AMPH: variants seen among roughly 807,000 people sequenced by gnomAD.
The protein encoded by AMPH is amphiphysin.
AMPH carries 49 observed loss-of-function variants against 99.1 expected under a neutral mutation model. That is an observed-to-expected ratio of 0.49 (90% confidence interval 0.39 to 0.63). The LOEUF (loss-of-function observed/expected upper bound fraction) is 0.63. Ranked by LOEUF, AMPH falls within the 20% of genes least tolerant of loss-of-function variation. The pLI, the probability that AMPH is intolerant of heterozygous loss-of-function variation, is 0.00. For missense variants in AMPH, 759 were observed against 863.4 expected (o/e 0.88, Z 1.52); for synonymous variants, 314 against 317.3 (o/e 0.99, Z 0.11).
chr7:38,439,604 A>G (rs932693714), intron 11 of AMPH, among the ~76,000 whole-genome samples: 1 of 152,220 alleles, frequency 6.6e-6, no homozygotes, highest in African/African-American at 2.4e-5. Context: ...CATCACAATT[A>G]GAGTACACAT....
rs1160114820 is a variant in AMPH, at chr7:38,509,545, A to C, written c.151-5841T>G. On this transcript the variant is annotated intron_variant, in intron 2 of 20. Coordinates refer to ENST00000356264, the MANE Select transcript of AMPH (RefSeq NM_001635.4). ...TCGGATCTTCTGGAAAAGCTAACCC[A>C]TAGTGTGTTAAACCGCCATCAAATC... Among the ~76,000 whole-genome samples, 5 of 152,180 alleles carry C rather than the reference A, an allele frequency of 3.3e-5. No homozygotes were observed. In the South Asian group the frequency reaches 1.0e-3, roughly 32 times the overall value.
intron 1 of AMPH, among the ~76,000 whole-genome samples, chr7:38,614,348 T>C (rs770219394): frequency 7.2e-5 from 11 of 152,158 alleles, no homozygotes; most frequent in African/African-American, 4.8e-5. Flanking sequence ...TCATGTAAAA[T>C]TGACTGAACT....
chr7:38,608,342 T>C (rs1793506468), intron 1 of AMPH, among the ~76,000 whole-genome samples: 1 of 152,182 alleles, frequency 6.6e-6, no homozygotes. Flanking sequence ...GGTGTCCTCA[T>C]GGGTAAAACT....
At chr7:38,492,981 T>G (rs55908594) in intron 4 of AMPH, among the ~76,000 whole-genome samples, 3,941 of 152,340 alleles carry the variant, frequency 0.026, 74 homozygotes, top group Admixed American at 0.054. Flanking sequence ...TAATTGCATC[T>G]GAAAGTAATG....
chr7:38,394,118 C>T lies in AMPH; in HGVS notation c.1495G>A (p.Val499Ile), dbSNP rs147689642. The T allele has an allele frequency of 1.2e-6, 2 of 1,614,218 alleles. No individual in the cohort carries two copies. Among genetic ancestry groups the T allele is most frequent in the African/African-American group, 2.7e-5 (2 of 75,060 alleles). ...GEEAEAEKAT[V>I]PAGEGVSLEE... The stretch of plus-strand genomic sequence containing the variant: ...AAACTTACTCCTTCCCCGGCAGGGA[C>T]AGTGGCCTTCTCCGCCTCTGCTTCC... The change falls in exon 18 of 21, where the codon GTC becomes ATC. Residue 499 changes from valine to isoleucine, a missense_variant. This residue lies in a region of AMPH where 554 missense variants were observed against 575.6 expected (regional missense o/e 0.96). Coordinates refer to ENST00000356264, the MANE Select transcript of AMPH (RefSeq NM_001635.4).
rs1562757915 is a variant in AMPH, at chr7:38,441,886, CAT to C, written c.1018-5500_1018-5499del. On this transcript the variant is annotated intron_variant, in intron 11 of 20. Coordinates refer to ENST00000356264, the MANE Select transcript of AMPH (RefSeq NM_001635.4). ...ATATATATCATATATATATCATATA[CAT>C]ACACACACACACACGCCATGGAATA... 1.6e-3 allele frequency among the ~76,000 whole-genome samples: 92 copies of C among 56,920 alleles called. 1 individual carries two copies. Among genetic ancestry groups the C allele is most frequent in the Middle Eastern group, 6.2e-3 (1 of 162 alleles). The allele number at this position is 56,920 out of a possible 152,430, so 37.3% of individuals were successfully genotyped here.
At chr7:38,409,599 AG>A (rs949109963) in intron 17 of AMPH, among the ~76,000 whole-genome samples, 56 of 152,276 alleles carry the variant, frequency 3.7e-4, no homozygotes, top group African/African-American at 1.3e-3. Context: ...TTTCTAATAA[AG>A]GAATTTAGTG....
At chr7:38,530,424 T>C (rs1479817159) in intron 2 of AMPH, among the ~76,000 whole-genome samples, 2 of 152,144 alleles carry the variant, frequency 1.3e-5, no homozygotes, top group Non-Finnish European at 2.9e-5. Flanking sequence ...ACAACACTGC[T>C]ATGGTATTTC....
intron 15 of AMPH, among the ~76,000 whole-genome samples, chr7:38,422,731 A>G (rs33999580): frequency 0.078 from 11,843 of 152,056 alleles, 692 homozygotes; most frequent in African/African-American, 0.17. Context: ...CAGGCGATCT[A>G]CCTCAGCCTC....
chr7:38,508,599 G>A (rs1301394974), intron 2 of AMPH, among the ~76,000 whole-genome samples: 1 of 152,140 alleles, frequency 6.6e-6, no homozygotes, highest in African/African-American at 2.4e-5. Flanking sequence ...CATGAAAGGT[G>A]GATCTTAGGA....
chr7:38,488,694 A>G (rs1365138525), intron 5 of AMPH, among the ~76,000 whole-genome samples: 1 of 152,168 alleles, frequency 6.6e-6, no homozygotes, highest in Non-Finnish European at 1.5e-5. Flanking sequence ...TTGCCTTTCT[A>G]TACACTGGTA....
chr7:38,624,488 C>T (rs545957883), intron 1 of AMPH, among the ~76,000 whole-genome samples: 36 of 151,548 alleles, frequency 2.4e-4, no homozygotes, highest in Non-Finnish European at 4.3e-4. Flanking sequence ...TCTGCCCTCC[C>T]GGTTCAAGCG....
intron 1 of AMPH, among the ~76,000 whole-genome samples, chr7:38,586,718 G>T (rs1792663256): frequency 6.6e-6 from 1 of 152,182 alleles, no homozygotes; most frequent in African/African-American, 2.4e-5. Flanking sequence ...GGGGACACAG[G>T]TCCCAGTTCT....
In AMPH at chr7:38,503,676, A is replaced by G; in HGVS notation, c.179T>C (p.Leu60Pro). ...TTTGATTGCTGCTAAATATCCTCGGAGTTCTCGCTGAAGTCTGGTACCCTC... is the reference window on the plus strand; with the variant it reads ...TTTGATTGCTGCTAAATATCCTCGGGGTTCTCGCTGAAGTCTGGTACCCTC... ...EAEGTRLQRE[L>P]RGYLAAIKGM... Residue 60 changes from leucine to proline, a missense_variant, in exon 3 of 21, where the codon CTC becomes CCC. Around this residue, in one of 2 missense-constraint regions of AMPH, gnomAD observed 205 missense variants for 287.9 expected, o/e 0.71. Coordinates refer to ENST00000356264, the MANE Select transcript of AMPH (RefSeq NM_001635.4). 2 of 1,614,052 alleles carry G rather than the reference A, an allele frequency of 1.2e-6. No individual in the cohort carries two copies. The highest frequency in any genetic ancestry group is 1.7e-6 in the Non-Finnish European group (2 of 1,179,954).
At chr7:38,446,363 G>T (rs1786781226) in intron 11 of AMPH, among the ~76,000 whole-genome samples, 1 of 152,270 alleles carries the variant, frequency 6.6e-6, no homozygotes, top group South Asian at 2.1e-4. Context: ...TTGTATACAA[G>T]TGCTTATAGT....
In AMPH at chr7:38,533,548, A is replaced by G. The variant is rs566535009; in HGVS notation, c.150+1383T>C. ...CCCTCTTGGTAATGAAAAGAAATAG[A>G]ATGTCTTGGTGAGAGAAAGAGCAGG... On this transcript the variant is annotated intron_variant, in intron 2 of 20. Transcript: ENST00000356264. Among the ~76,000 whole-genome samples, 20 of 152,254 alleles carry G rather than the reference A, an allele frequency of 1.3e-4. No individual in the cohort carries two copies. In the South Asian group the frequency reaches 2.1e-3, roughly 16 times the overall value.
At chr7:38,517,368 T>C (rs1346562591) in intron 2 of AMPH, among the ~76,000 whole-genome samples, 1 of 152,224 alleles carries the variant, frequency 6.6e-6, no homozygotes. Context: ...TCATGAGATC[T>C]GGCTGTTTAA....
chr7:38,445,621 T>C lies in AMPH; in HGVS notation c.1018-9233A>G, dbSNP rs138872426. Among the ~76,000 whole-genome samples, 413 of 152,306 alleles carry C rather than the reference T, an allele frequency of 2.7e-3. 1 individual carries two copies. Among genetic ancestry groups the C allele is most frequent in the African/African-American group, 8.9e-3 (372 of 41,570 alleles). On this transcript the variant is annotated intron_variant, in intron 11 of 20. Transcript: ENST00000356264. Reference sequence around the variant, plus strand: ...AACAGGCACTTCACCAAAGAAGATATATGGGTGTTAAATAAGTACATGAAA... The same window carrying C: ...AACAGGCACTTCACCAAAGAAGATACATGGGTGTTAAATAAGTACATGAAA...
intron 20 of AMPH, among the ~76,000 whole-genome samples, 154 bp from the exon 21 acceptor site, chr7:38,385,079 C>T (rs1485146075): frequency 6.6e-6 from 1 of 151,344 alleles, no homozygotes; most frequent in African/African-American, 2.4e-5. Flanking sequence ...ATGGGAAGGC[C>T]TATCCCAAAT....
Sources: allele counts gnomAD v4.1 joint callset (sites outside exome capture counted in the v4.1 genomes callset), GRCh38; gene constraint gnomAD v4.1.1; regional missense constraint gnomAD v4.1.1; transcripts MANE v1.5; gene names NCBI Gene and HGNC (gene_info 2026-07-23, HGNC 2026-07-21).